Variants in KLHL6 observed in about 807,000 individuals in gnomAD.
The protein encoded by KLHL6 is kelch-like protein 6.
Under a neutral mutation model 58.6 loss-of-function variants are expected in KLHL6, and 41 were observed. The observed-to-expected ratio is 0.70, with a 90% confidence interval of 0.55 to 0.91. KLHL6 has a LOEUF of 0.91. Among genes scored for constraint, KLHL6 ranks in the 40% least tolerant of loss-of-function variants. The probability of loss-of-function intolerance (pLI) is 0.00; values close to 1 mark genes in which losing one functional copy is unlikely to be tolerated. For missense variants in KLHL6, 714 were observed against 805.6 expected, an observed-to-expected ratio of 0.89 and a Z score of 1.38; for synonymous variants, 338 against 322.7, an observed-to-expected ratio of 1.05 and a Z score of -0.51.
chr3:183,554,610 A>G (rs950348334), intron 1 of KLHL6, among the ~76,000 whole-genome samples: 45 of 152,324 alleles, frequency 3.0e-4, no homozygotes, highest in African/African-American at 1.1e-3. Context: ...GCCTACACAT[A>G]AAGAAGCCCC....
chr3:183,533,244 T>G (rs140043923), intron 1 of KLHL6, among the ~76,000 whole-genome samples: 1 of 152,144 alleles, frequency 6.6e-6, no homozygotes, highest in East Asian at 1.9e-4. Flanking sequence ...TGGAAATCAA[T>G]CATCAGTTCT....
chr3:183,514,928 C>A (rs1353946432), intron 2 of KLHL6, among the ~76,000 whole-genome samples: 1 of 152,148 alleles, frequency 6.6e-6, no homozygotes, highest in Non-Finnish European at 1.5e-5. Context: ...CCTCGGCCTC[C>A]CAAAGTGCTG....
intron 1 of KLHL6, among the ~76,000 whole-genome samples, chr3:183,545,534 T>A (rs1418320452): frequency 6.6e-6 from 1 of 152,216 alleles, no homozygotes; most frequent in African/African-American, 2.4e-5. Context: ...TTTTCTAATC[T>A]TGATTGGAAT....
rs978429620 is a variant in KLHL6, at chr3:183,555,706, C to G, written c.-53G>C. The G allele has an allele frequency of 1.3e-6, 2 of 1,521,740 alleles. No individual in the cohort carries two copies. Among genetic ancestry groups the G allele is most frequent in the Non-Finnish European group, 1.8e-6 (2 of 1,139,508 alleles). 94.3% of individuals were successfully genotyped at this position (1,521,740 alleles called of 1,614,324 possible). A position where few individuals can be genotyped will look rare whatever the true frequency, so the allele number is the denominator to read the frequency against. On this transcript the variant is annotated 5_prime_UTR_variant, in exon 1 of 7. Transcript: ENST00000341319. The stretch of plus-strand genomic sequence containing the variant: ...GGCAGGCCCCATTGCAGGAGCTGAG[C>G]GGATTTCCTGTGCAGGGCCCTCCAC...
Position 183,492,763 on chromosome 3 carries a change from CAGT to C in KLHL6, c.1351-59_1351-57del. On this transcript the variant is annotated intron_variant, in intron 5 of 6. Coordinates refer to ENST00000341319, the MANE Select transcript of KLHL6 (RefSeq NM_130446.4). This position sits in a 1 kb window ranked among gnomAD's most constrained non-coding sequence, Gnocchi z 5.9. The stretch of plus-strand genomic sequence containing the variant: ...GTCAGTCATGCTGCCCAGATTGCTG[CAGT>C]AGCTCCCAGGATACAGGACAGAGCT... 1 of 1,520,644 alleles carries C rather than the reference CAGT, an allele frequency of 6.6e-7. No individual in the cohort carries two copies. Among genetic ancestry groups the C allele is most frequent in the East Asian group, 2.3e-5 (1 of 44,378 alleles). 94.2% of individuals were successfully genotyped at this position (1,520,644 alleles called of 1,614,324 possible).
Position 183,555,588 on chromosome 3 carries a change from C to T in KLHL6, c.66G>A (p.Gly22=), listed in dbSNP as rs762467856. 7 of 1,613,800 alleles carry T rather than the reference C, an allele frequency of 4.3e-6. No individual in the cohort carries two copies. The East Asian group carries it at 1.3e-4, about 31-fold the overall frequency. ...MGDVVEKSLE[G]PLAPSTDEPS... ...GCTCATCTGTAGAAGGTGCCAGGGGCCCTTCCAAACTCTTCTCGACCACAT... is the reference window on the plus strand; with the variant it reads ...GCTCATCTGTAGAAGGTGCCAGGGGTCCTTCCAAACTCTTCTCGACCACAT... The change falls in exon 1 of 7, where the codon GGG becomes GGA. Residue 22 remains glycine (G), a synonymous_variant. Coordinates refer to ENST00000341319, the MANE Select transcript of KLHL6 (RefSeq NM_130446.4).
At chr3:183,498,677 A>G (rs1289930621) in intron 4 of KLHL6, among the ~76,000 whole-genome samples, 1 of 152,230 alleles carries the variant, frequency 6.6e-6, no homozygotes, top group Non-Finnish European at 1.5e-5. Flanking sequence ...AAGATGGTTG[A>G]GACTGCGTCA....
rs902099289 is a variant in KLHL6, at chr3:183,491,594, G to A, written c.*333C>T. 3 of 231,354 alleles carry A rather than the reference G, an allele frequency of 1.3e-5. No individual in the cohort carries two copies. Among genetic ancestry groups the A allele is most frequent in the Admixed American group, 5.7e-5 (1 of 17,538 alleles). The allele number at this position is 231,354 out of a possible 1,614,324, so 14.3% of individuals were successfully genotyped here. A position where few individuals can be genotyped will look rare whatever the true frequency, so the allele number is the denominator to read the frequency against. On this transcript the variant is annotated 3_prime_UTR_variant, in exon 7 of 7. Transcript: ENST00000341319. Reference sequence around the variant, plus strand: ...TCTGTGAAACTTGGTTCCCTCACCTGTAAACTAGAAGTGATAAGAGCCAGT... The same window carrying A: ...TCTGTGAAACTTGGTTCCCTCACCTATAAACTAGAAGTGATAAGAGCCAGT...
At chr3:183,551,556 T>C (rs961745281) in intron 1 of KLHL6, among the ~76,000 whole-genome samples, 1 of 152,224 alleles carries the variant, frequency 6.6e-6, no homozygotes, top group African/African-American at 2.4e-5. Flanking sequence ...TTCGTGAACA[T>C]AATAATGTAA....
chr3:183,520,099 G>T (rs1711706184), intron 2 of KLHL6: 1 of 152,066 alleles, frequency 6.6e-6, no homozygotes, highest in African/African-American at 2.4e-5. Context: ...GAAAGGACTG[G>T]CTAGGGAGGC....
At chr3:183,513,282 C>T (rs1047774386) in intron 2 of KLHL6, among the ~76,000 whole-genome samples, 1 of 152,234 alleles carries the variant, frequency 6.6e-6, no homozygotes, top group Non-Finnish European at 1.5e-5. Flanking sequence ...ATTATCATCC[C>T]TGAGGAAACC....
At chr3:183,539,826 G>A (rs1007888008) in intron 1 of KLHL6, among the ~76,000 whole-genome samples, 2 of 152,154 alleles carry the variant, frequency 1.3e-5, no homozygotes, top group Non-Finnish European at 2.9e-5. Context: ...ATGTTCCTAG[G>A]GAAGCAGAAT....
In KLHL6 at chr3:183,488,885, C is replaced by A. The variant is rs1167930332; in HGVS notation, c.*3042G>T. 6.6e-6 allele frequency: 1 copy of A among 152,146 alleles called. No individual in the cohort carries two copies. The highest frequency in any genetic ancestry group is 1.5e-5 in the Non-Finnish European group (1 of 68,034). 9.4% of individuals were successfully genotyped at this position (152,146 alleles called of 1,614,324 possible). ...TCTAACCAGGTGTATCTGTTCCCTA[C>A]CCATGCCATTATTAGGAATCCCTAT... On this transcript the variant is annotated 3_prime_UTR_variant, in exon 7 of 7. Transcript: ENST00000341319.
intron 2 of KLHL6, among the ~76,000 whole-genome samples, chr3:183,515,716 G>T (rs1380262928): frequency 6.6e-6 from 1 of 152,136 alleles, no homozygotes; most frequent in Non-Finnish European, 1.5e-5. Context: ...CTTTTGTGGA[G>T]CACCCAGAGT....
chr3:183,494,364 G>A (rs73070575), intron 4 of KLHL6, 83 bp from the exon 5 acceptor site: 2 of 1,217,188 alleles, frequency 1.6e-6, no homozygotes, highest in African/African-American at 1.5e-5. Context: ...ATGTCCAAAA[G>A]TGCCAGGTCC....
intron 3 of KLHL6, among the ~76,000 whole-genome samples, chr3:183,505,633 C>T (rs1212726148): frequency 2.6e-4 from 39 of 151,284 alleles, no homozygotes; most frequent in Admixed American, 2.6e-3. Context: ...AATTGATAAG[C>T]CTCTAACCAG....
intron 2 of KLHL6, among the ~76,000 whole-genome samples, chr3:183,524,172 C>T (rs942680876): frequency 1.3e-5 from 2 of 152,148 alleles, no homozygotes; most frequent in African/African-American, 2.4e-5. Flanking sequence ...AAAATTTTGC[C>T]AAGTCCTTAC....
At chr3:183,525,823 G>C (rs1397013578) in intron 2 of KLHL6, among the ~76,000 whole-genome samples, 1 of 152,210 alleles carries the variant, frequency 6.6e-6, no homozygotes, top group Non-Finnish European at 1.5e-5. Context: ...AGTAAGATGC[G>C]AAACAGGATG....
intron 1 of KLHL6, among the ~76,000 whole-genome samples, chr3:183,541,664 C>T (rs1450463806): frequency 1.3e-5 from 2 of 152,006 alleles, no homozygotes; most frequent in Non-Finnish European, 2.9e-5. Flanking sequence ...ACATAGCAAG[C>T]CTCTAAAAAA....
Sources: allele counts gnomAD v4.1 joint callset (sites outside exome capture counted in the v4.1 genomes callset), GRCh38; gene constraint gnomAD v4.1.1; non-coding constraint Gnocchi (gnomAD v3.1); transcripts MANE v1.5; gene names NCBI Gene and HGNC (gene_info 2026-07-23, HGNC 2026-07-21).